HCN1: variants seen among roughly 807,000 people sequenced by gnomAD.
The protein encoded by HCN1 is potassium/sodium hyperpolarization-activated cyclic nucleotide-gated channel 1.
A neutral mutation model predicts 78.9 loss-of-function variants in HCN1; 13 were observed. The observed-to-expected ratio is 0.16, with a 90% CI of 0.11 to 0.26. The LOEUF is 0.26. Among genes scored for constraint, HCN1 ranks in the 10% least tolerant of loss-of-function variants. The pLI is 1.00. For missense variants in HCN1, 810 were observed against 1,154.3 expected (o/e 0.70, Z 4.32); for synonymous variants, 552 against 455.5 (o/e 1.21, Z -2.70).
rs996298385 is a variant in HCN1 at position 45,608,344 on chromosome 5, G to C, written c.849+36841C>G. 2.1e-5 allele frequency among the ~76,000 whole-genome samples: 3 copies of C among 140,998 alleles called. No individual in the cohort carries two copies. The South Asian group carries it at 7.0e-4, about 33-fold the overall frequency. The allele number at this position is 140,998 out of a possible 152,430, so 92.5% of individuals were successfully genotyped here. On this transcript the variant is annotated intron_variant, in intron 2 of 7. Coordinates refer to ENST00000303230, the MANE Select transcript of HCN1 (RefSeq NM_021072.4). ...CAATTTTAATCAAAGTTCCAAATGG[G>C]TAGGATGGGTGTATGTGTGTGTGTG...
chr5:45,600,868 G>C (rs191662766), intron 2 of HCN1, among the ~76,000 whole-genome samples: 108 of 152,202 alleles, frequency 7.1e-4, no homozygotes, highest in Admixed American at 1.2e-3. Flanking sequence ...ATTTAAACAT[G>C]GTTTTGCAGA....
rs573015656 is a variant in HCN1, at chr5:45,440,088, A to G, written c.1011+21758T>C. 1.4e-4 allele frequency among the ~76,000 whole-genome samples: 21 copies of G among 150,786 alleles called. 1 individual carries two copies. In the South Asian group the frequency reaches 4.4e-3, roughly 31 times the overall value. The stretch of plus-strand genomic sequence containing the variant: ...AAAGGATCAACCTCAATTTGGAGTA[A>G]AAGTTGAGAATTTTTTCAAATAATA... On this transcript the variant is annotated intron_variant, in intron 3 of 7. Transcript: ENST00000303230.
At chr5:45,384,898 T>C (rs1356234661) in intron 4 of HCN1, among the ~76,000 whole-genome samples, 3 of 152,184 alleles carry the variant, frequency 2.0e-5, no homozygotes, top group Non-Finnish European at 4.4e-5. Context: ...AGTTTTCTTA[T>C]CTCTACAATG....
At chr5:45,527,086 A>G (rs1742752444) in intron 2 of HCN1, among the ~76,000 whole-genome samples, 1 of 133,904 alleles carries the variant, frequency 7.5e-6, no homozygotes, top group African/African-American at 2.8e-5. Context: ...TCTCTCTCAC[A>G]CACACTGACA....
At chr5:45,390,670 T>C (rs1042467405) in intron 4 of HCN1, among the ~76,000 whole-genome samples, 1 of 152,152 alleles carries the variant, frequency 6.6e-6, no homozygotes, top group Non-Finnish European at 1.5e-5. Flanking sequence ...GGATGCCATA[T>C]GCCACAGTGG....
chr5:45,669,631 CA>C (rs1177505908), intron 1 of HCN1, among the ~76,000 whole-genome samples: 1 of 151,670 alleles, frequency 6.6e-6, no homozygotes, highest in Non-Finnish European at 1.5e-5. Flanking sequence ...AAGTTTGTTC[CA>C]ACAGGAAGAT....
chr5:45,433,317 C>T (rs1159890636), intron 3 of HCN1, among the ~76,000 whole-genome samples: 2 of 151,608 alleles, frequency 1.3e-5, no homozygotes, highest in African/African-American at 4.8e-5. Flanking sequence ...AAAATATTAG[C>T]CTGAAGTTTA....
At chr5:45,688,239 C>G (rs1230937906) in intron 1 of HCN1, among the ~76,000 whole-genome samples, 1 of 152,064 alleles carries the variant, frequency 6.6e-6, no homozygotes, top group East Asian at 1.9e-4. Context: ...TCACGTTTCC[C>G]AGAAGGTTTG....
intron 2 of HCN1, among the ~76,000 whole-genome samples, chr5:45,468,745 C>A (rs1741331351): frequency 1.3e-5 from 2 of 151,876 alleles, no homozygotes; most frequent in Admixed American, 1.3e-4. Flanking sequence ...AGATATGAAT[C>A]CTTTGAACAT....
chr5:45,336,744 C>G (rs1746464450), intron 5 of HCN1, among the ~76,000 whole-genome samples: 1 of 152,006 alleles, frequency 6.6e-6, no homozygotes. Flanking sequence ...AATCTAAGAT[C>G]AAGGTGCTGG....
intron 2 of HCN1, among the ~76,000 whole-genome samples, chr5:45,639,109 T>C (rs923564725): frequency 2.6e-5 from 4 of 152,190 alleles, no homozygotes; most frequent in Non-Finnish European, 5.9e-5. Context: ...CGAATATCCA[T>C]AGTCATCTTT....
chr5:45,323,220 A>G (rs1746158827), intron 5 of HCN1, among the ~76,000 whole-genome samples: 1 of 151,892 alleles, frequency 6.6e-6, no homozygotes, highest in Non-Finnish European at 1.5e-5. Context: ...TATACACCAG[A>G]TTGTGAAGAC....
chr5:45,607,595 ATC>A lies in HCN1; in HGVS notation c.849+37588_849+37589del, dbSNP rs201474115. 4.0e-3 allele frequency among the ~76,000 whole-genome samples: 589 copies of A among 146,654 alleles called. 6 individuals carry two copies. Among genetic ancestry groups the A allele is most frequent in the African/African-American group, 9.5e-3 (384 of 40,278 alleles). ...ACAATATCATTATATATATATATAT[ATC>A]TATAGATAGATCCAGATATATCTAG... On this transcript the variant is annotated intron_variant, in intron 2 of 7. Transcript: ENST00000303230.
At chr5:45,436,020 T>C (rs1740554868) in intron 3 of HCN1, among the ~76,000 whole-genome samples, 2 of 152,198 alleles carry the variant, frequency 1.3e-5, no homozygotes, top group South Asian at 4.1e-4. Context: ...AATTATTCCA[T>C]GCATGCTGAA....
intron 2 of HCN1, among the ~76,000 whole-genome samples, chr5:45,617,727 A>G (rs1744981462): frequency 6.6e-6 from 1 of 152,108 alleles, no homozygotes. Context: ...CAGATGACAA[A>G]TTTAGGAGAA....
rs186877405 is a variant in HCN1, at chr5:45,520,680, A to G, written c.850-58673T>C. On this transcript the variant is annotated intron_variant, in intron 2 of 7. Coordinates refer to ENST00000303230, the MANE Select transcript of HCN1 (RefSeq NM_021072.4). ...TGTAAACAAGGCAGTATATAGCAGCATCTTAAAAATAAACATTCATCTATG... is the reference window on the plus strand; with the variant it reads ...TGTAAACAAGGCAGTATATAGCAGCGTCTTAAAAATAAACATTCATCTATG... Among the ~76,000 whole-genome samples, 876 of 152,160 alleles carry G rather than the reference A, an allele frequency of 5.8e-3. 13 individuals are homozygous for G. Among genetic ancestry groups the G allele is most frequent in the African/African-American group, 0.02 (840 of 41,560 alleles).
intron 5 of HCN1, among the ~76,000 whole-genome samples, chr5:45,322,893 C>T (rs1293667764): frequency 2.0e-5 from 3 of 151,814 alleles, no homozygotes; most frequent in Non-Finnish European, 2.9e-5. Flanking sequence ...CCTACTACTA[C>T]TAAGAGGTAT....
At chr5:45,657,463 T>G (rs1029378679) in intron 1 of HCN1, among the ~76,000 whole-genome samples, 1 of 152,232 alleles carries the variant, frequency 6.6e-6, no homozygotes, top group Admixed American at 6.5e-5. Context: ...ATCCCATTAG[T>G]AGGCAGATGT....
chr5:45,679,237 C>G (rs1454644538), intron 1 of HCN1, among the ~76,000 whole-genome samples: 2 of 151,892 alleles, frequency 1.3e-5, no homozygotes, highest in Non-Finnish European at 1.5e-5. Context: ...GTTCAGTTTT[C>G]TAAGCTGAAA....
Sources: gnomAD v4.1 joint callset for allele counts (sites outside exome capture counted in the v4.1 genomes callset) on GRCh38, gnomAD v4.1.1 for gene constraint, MANE v1.5 for transcripts, NCBI Gene and HGNC (gene_info 2026-07-23, HGNC 2026-07-21) for gene names.